ROR1: variants seen among roughly 807,000 people sequenced by gnomAD.
ROR1 encodes the protein inactive tyrosine-protein kinase transmembrane receptor ROR1.
Under a neutral mutation model 78.8 loss-of-function variants are expected in ROR1, and 19 were observed. The observed-to-expected ratio is 0.24, with a 90% CI of 0.17 to 0.35. The LOEUF is 0.35. ROR1 is among the 10% of genes least tolerant of loss of function. The pLI is 1.00. For missense variants in ROR1, 917 were observed against 1,177.8 expected (o/e 0.78, Z 3.24); for synonymous variants, 386 against 433.6 (o/e 0.89, Z 1.36).
chr1:64,114,836 G>A (rs904549584), intron 4 of ROR1, among the ~76,000 whole-genome samples: 11 of 152,212 alleles, frequency 7.2e-5, no homozygotes, highest in South Asian at 6.2e-4. Context: ...CCAAGGCTCA[G>A]GACATCATCA....
intron 1 of ROR1, among the ~76,000 whole-genome samples, chr1:63,927,761 A>C (rs1282912614): frequency 6.6e-6 from 1 of 152,024 alleles, no homozygotes; most frequent in Non-Finnish European, 1.5e-5. Context: ...AGGTGTACCC[A>C]CTCCATTGCA....
At chr1:63,940,670 C>CA (rs1645831621) in intron 1 of ROR1, among the ~76,000 whole-genome samples, 1 of 152,016 alleles carries the variant, frequency 6.6e-6, no homozygotes, top group Non-Finnish European at 1.5e-5. Context: ...AATTGTTGGG[C>CA]AAAAATCATC....
intron 1 of ROR1, among the ~76,000 whole-genome samples, chr1:63,988,300 A>G (rs1484783830): frequency 6.6e-6 from 1 of 152,160 alleles, no homozygotes; most frequent in Non-Finnish European, 1.5e-5. Flanking sequence ...TAATTGATGA[A>G]GTGCTTATCT....
intron 1 of ROR1, among the ~76,000 whole-genome samples, chr1:63,875,873 G>A (rs1032932980): frequency 6.6e-6 from 1 of 152,148 alleles, no homozygotes; most frequent in African/African-American, 2.4e-5. Flanking sequence ...CCTGTGAGGT[G>A]GGTAAGCAAT....
chr1:63,784,937 TC>T (rs1431189663), intron 1 of ROR1, among the ~76,000 whole-genome samples: 1 of 152,254 alleles, frequency 6.6e-6, no homozygotes, highest in Non-Finnish European at 1.5e-5. Context: ...AATACAGTTA[TC>T]TCTGACACGG....
chr1:63,787,438 TTTCC>T (rs72297365), intron 1 of ROR1, among the ~76,000 whole-genome samples: 6,740 of 127,740 alleles, frequency 0.053, 329 homozygotes, highest in African/African-American at 0.12. Flanking sequence ...ATTGCCTTTC[TTTCC>T]TTCCTTCCTT....
intron 2 of ROR1, among the ~76,000 whole-genome samples, chr1:64,037,842 A>T (rs1646715297): frequency 6.6e-6 from 1 of 152,042 alleles, no homozygotes; most frequent in Admixed American, 6.6e-5. Flanking sequence ...ACATGTCACC[A>T]AGGGTGGCAT....
chr1:64,001,270 A>T lies in ROR1; in HGVS notation c.92-8035A>T, dbSNP rs543561415. Among the ~76,000 whole-genome samples, 7 of 152,348 alleles carry T rather than the reference A, an allele frequency of 4.6e-5. No individual in the cohort carries two copies. In the East Asian group the frequency reaches 1.3e-3, roughly 29 times the overall value. On this transcript the variant is annotated intron_variant, in intron 1 of 8. Coordinates refer to ENST00000371079, the MANE Select transcript of ROR1 (RefSeq NM_005012.4). ...TCACATACTAAATGAGTCTGTTTAT[A>T]CAACATTCCTGAAACAACAAAATTA...
intron 4 of ROR1, among the ~76,000 whole-genome samples, chr1:64,130,404 A>G (rs1648871099): frequency 2.0e-5 from 3 of 152,206 alleles, no homozygotes; most frequent in African/African-American, 7.2e-5. Context: ...CACATATTTA[A>G]CCTGTAATCT....
At chr1:64,132,783 AAGAG>A (rs1553160621) in intron 4 of ROR1, among the ~76,000 whole-genome samples, 1 of 136,672 alleles carries the variant, frequency 7.3e-6, no homozygotes. Flanking sequence ...AAAAAAAAAA[AAGAG>A]AGAGAGATAG....
chr1:63,848,490 A>G (rs1488889233), intron 1 of ROR1, among the ~76,000 whole-genome samples: 1 of 152,242 alleles, frequency 6.6e-6, no homozygotes, highest in Non-Finnish European at 1.5e-5. Context: ...AGGAAGCTTC[A>G]GGATTATATT....
At chr1:64,037,797 A>T (rs556879431) in intron 2 of ROR1, among the ~76,000 whole-genome samples, 24 of 152,238 alleles carry the variant, frequency 1.6e-4, no homozygotes, top group Admixed American at 4.6e-4. Context: ...AGCTGTGAGA[A>T]GTGCACTGTG....
At chr1:64,130,248 T>C (rs1648865772) in intron 4 of ROR1, among the ~76,000 whole-genome samples, 1 of 152,204 alleles carries the variant, frequency 6.6e-6, no homozygotes, top group Admixed American at 6.5e-5. Flanking sequence ...GGCTTCTCTG[T>C]GAGTCGTTGG....
In ROR1 at chr1:64,178,032, T is replaced by C. The variant is rs1650434592; in HGVS notation, c.1991T>C (p.Ile664Thr). The C allele has an allele frequency of 6.2e-7, 1 of 1,614,192 alleles. No homozygotes were observed. Among genetic ancestry groups the C allele is most frequent in the Non-Finnish European group, 8.5e-7 (1 of 1,180,024 alleles). The change falls in exon 9 of 9, where the codon ATC (isoleucine) becomes ACC (threonine). Residue 664 changes from isoleucine (I) to threonine (T), a missense_variant. Ile to Thr is a moderately conservative substitution (Grantham distance 89). Around this residue, in one of 3 missense-constraint regions of ROR1, gnomAD observed 835 missense variants for 1,069.8 expected, o/e 0.78. Coordinates refer to ENST00000371079, the MANE Select transcript of ROR1 (RefSeq NM_005012.4). This position sits in a 1 kb window ranked among gnomAD's most constrained non-coding sequence, Gnocchi z 4.3. Reference sequence around the variant, plus strand: ...ATTCGCTGGATGCCCCCTGAAGCCATCATGTATGGCAAATTCTCTTCTGAT... The same window carrying C: ...ATTCGCTGGATGCCCCCTGAAGCCACCATGTATGGCAAATTCTCTTCTGAT... ...LPIRWMPPEA[I>T]MYGKFSSDSD... is the part of the protein sequence containing the mutation.
intron 5 of ROR1, among the ~76,000 whole-genome samples, chr1:64,139,050 C>G (rs577363777): frequency 3.3e-5 from 5 of 151,590 alleles, no homozygotes; most frequent in Admixed American, 1.3e-4. Flanking sequence ...GCCTGTAGTC[C>G]CAGCTATGTG....
At position 64,014,740 on chromosome 1, in the gene ROR1, CTA is replaced by C. The variant is rs1208813882; in HGVS notation, c.163+5397_163+5398del. On this transcript the variant is annotated intron_variant, in intron 2 of 8. Transcript: ENST00000371079. ...ATATATATATATACACATACGCACA[CTA>C]TATATATATATATATATATATATAT... Among the ~76,000 whole-genome samples, 219 of 29,036 alleles carry C rather than the reference CTA, an allele frequency of 7.5e-3. 28 individuals carry two copies. The East Asian group carries it at 0.086, about 11-fold the overall frequency. 19.0% of individuals were successfully genotyped at this position (29,036 alleles called of 152,430 possible).
At chr1:63,806,044 G>T (rs1020512920) in intron 1 of ROR1, among the ~76,000 whole-genome samples, 1 of 152,102 alleles carries the variant, frequency 6.6e-6, no homozygotes, top group African/African-American at 2.4e-5. Context: ...ATGCTCCTTG[G>T]CTGTATAAGA....
intron 1 of ROR1, among the ~76,000 whole-genome samples, chr1:63,932,578 T>A (rs1645762531): frequency 6.6e-6 from 1 of 152,174 alleles, no homozygotes; most frequent in African/African-American, 2.4e-5. Flanking sequence ...ATGCCCCTGA[T>A]GGTTCTTCCC....
intron 1 of ROR1, among the ~76,000 whole-genome samples, chr1:63,813,608 A>G (rs1055976416): frequency 1.3e-5 from 2 of 152,210 alleles, no homozygotes; most frequent in Non-Finnish European, 2.9e-5. Flanking sequence ...TTGTGGAATT[A>G]TGCTGTGGCC....
Sources: gnomAD v4.1 joint callset for allele counts (sites outside exome capture counted in the v4.1 genomes callset) on GRCh38, gnomAD v4.1.1 for gene constraint, gnomAD v4.1.1 regional missense constraint, Gnocchi (gnomAD v3.1) non-coding constraint, MANE v1.5 for transcripts, NCBI Gene and HGNC (gene_info 2026-07-23, HGNC 2026-07-21) for gene names.